The following ZGRF1 variants were observed in gnomAD, a reference collection of about 807,000 sequenced individuals.
ZGRF1 encodes 5'-3' DNA helicase ZGRF1.
A neutral mutation model predicts 203.5 loss-of-function variants in ZGRF1; 196 were observed. The observed-to-expected ratio is 0.96, with a 90% confidence interval of 0.86 to 1.08. The LOEUF is 1.08. Among genes scored for constraint, ZGRF1 ranks in the 50% least tolerant of loss-of-function variants. The pLI, the probability that ZGRF1 is intolerant of heterozygous loss-of-function variation, is 0.00. For missense variants in ZGRF1, 2,326 were observed against 2,416.3 expected, an observed-to-expected ratio of 0.96 and a Z score of 0.78; for synonymous variants, 809 against 841.3, an observed-to-expected ratio of 0.96 and a Z score of 0.66.
At chr4:112,564,149 T>C (rs1321232116) in intron 16 of ZGRF1, among the ~76,000 whole-genome samples, 1 of 152,168 alleles carries the variant, frequency 6.6e-6, no homozygotes, top group Non-Finnish European at 1.5e-5. Flanking sequence ...GTGCCAAAGA[T>C]CAGATCAGTA....
intron 16 of ZGRF1, among the ~76,000 whole-genome samples, chr4:112,570,501 C>T (rs1744006706): frequency 6.6e-6 from 1 of 151,830 alleles, no homozygotes; most frequent in African/African-American, 2.4e-5. Context: ...GGCAGAATGG[C>T]TTGAACCTGG....
intron 10 of ZGRF1, 151 bp from the exon 11 acceptor site, chr4:112,590,025 C>A: frequency 2.0e-6 from 1 of 498,282 alleles, no homozygotes; most frequent in Non-Finnish European, 3.5e-6. Flanking sequence ...AAAACTTCTT[C>A]CAAAAAGGAC....
chr4:112,548,342 G>A lies in ZGRF1; in HGVS notation c.5385C>T (p.Phe1795=), dbSNP rs1473321687. Residue 1795 remains phenylalanine (F), a synonymous_variant, in exon 23 of 28, where the codon TTC becomes TTT. Coordinates refer to ENST00000505019, the MANE Select transcript of ZGRF1 (RefSeq NM_018392.5). Reference sequence around the variant, plus strand: ...GAAATTTAAGATCATTCATGCATGGGAATGGGCAGGCTGCACAGGTAACTC... The same window carrying A: ...GAAATTTAAGATCATTCATGCATGGAAATGGGCAGGCTGCACAGGTAACTC... ...VVGVTCAACP[F]PCMNDLKFPV... The A allele has an allele frequency of 1.3e-6, 2 of 1,555,226 alleles. No individual in the cohort carries two copies. Among genetic ancestry groups the A allele is most frequent in the African/African-American group, 1.4e-5 (1 of 73,118 alleles).
rs767422299 is a variant in ZGRF1 at position 112,617,520 on chromosome 4, C to T, written c.2522G>A (p.Ser841Asn). 1 of 1,602,944 alleles carries T rather than the reference C, an allele frequency of 6.2e-7. No individual in the cohort carries two copies. The highest frequency in any genetic ancestry group is 8.5e-7 in the Non-Finnish European group (1 of 1,176,944). ...SLCEHSTALDSLEILKKKNTV... is the reference protein window; with the variant it reads ...SLCEHSTALDNLEILKKKNTV... Reference sequence around the variant, plus strand: ...ATTTTTCTTTTTCAATATTTCCAAGCTGTCTAAAGCAGTACTGTGTTCACA... The same window carrying T: ...ATTTTTCTTTTTCAATATTTCCAAGTTGTCTAAAGCAGTACTGTGTTCACA... Residue 841 changes from serine to asparagine, a missense_variant, in exon 6 of 28, where the codon AGC becomes AAC. Ser to Asn is a conservative substitution (Grantham distance 46). Transcript: ENST00000505019.
rs1455733354 is a variant in ZGRF1 at position 112,577,116 on chromosome 4, C to G, written c.4438+4547G>C. On this transcript the variant is annotated intron_variant, in intron 16 of 27. Coordinates refer to ENST00000505019, the MANE Select transcript of ZGRF1 (RefSeq NM_018392.5). ...TGTACAAGCCAGAAGAAAGTGGGGG[C>G]CAATATTCAACATTCTTAAAGAAAA... Among the ~76,000 whole-genome samples the G allele has an allele frequency of 6.6e-5, 5 of 76,190 alleles. 2 individuals carry two copies. The highest frequency in any genetic ancestry group is 2.1e-4 in the African/African-American group (5 of 24,152). 50.0% of individuals were successfully genotyped at this position (76,190 alleles called of 152,430 possible).
At position 112,613,830 on chromosome 4, in the gene ZGRF1, CAA is replaced by C. The variant is rs1415783993; in HGVS notation, c.2603-1244_2603-1243del. ...TCAATAATCTCCTCTTCTAAAATCACAAAAAGACTAATTTTAAAGTGATAATT... is the reference window on the plus strand; with the variant it reads ...TCAATAATCTCCTCTTCTAAAATCACAAAGACTAATTTTAAAGTGATAATT... On this transcript the variant is annotated intron_variant, in intron 6 of 27. Transcript: ENST00000505019. 3.9e-5 allele frequency among the ~76,000 whole-genome samples: 6 copies of C among 152,092 alleles called. No homozygotes were observed. The South Asian group carries it at 1.2e-3, about 32-fold the overall frequency.
At chr4:112,584,478 T>C (rs1391804055) in intron 14 of ZGRF1, among the ~76,000 whole-genome samples, 6 of 152,224 alleles carry the variant, frequency 3.9e-5, no homozygotes, top group Non-Finnish European at 8.8e-5. Context: ...CTGAATATCT[T>C]ATCCATTTAT....
intron 16 of ZGRF1, chr4:112,564,932 C>T (rs2148909672): frequency 2.7e-6 from 2 of 747,784 alleles, no homozygotes; most frequent in South Asian, 2.9e-5. Context: ...CGCCGCCTGT[C>T]GCTGACCAAG....
At chr4:112,611,971 T>G (rs969551139) in intron 7 of ZGRF1, among the ~76,000 whole-genome samples, 8 of 144,368 alleles carry the variant, frequency 5.5e-5, no homozygotes, top group African/African-American at 2.0e-4. Context: ...TGGGGTTTTG[T>G]TTTTTTTTTT....
At chr4:112,572,966 C>T (rs1744456949) in intron 16 of ZGRF1, among the ~76,000 whole-genome samples, 1 of 152,074 alleles carries the variant, frequency 6.6e-6, no homozygotes. Context: ...TCTAGTACAA[C>T]CAGTGGAAAA....
intron 3 of ZGRF1, 47 bp from the exon 4 acceptor site, chr4:112,623,923 C>A: frequency 1.0e-6 from 1 of 981,952 alleles, no homozygotes; most frequent in Non-Finnish European, 1.6e-6. Flanking sequence ...CACAATTATG[C>A]TTTTCTTAAA....
chr4:112,598,810 G>T (rs920813452), intron 10 of ZGRF1, among the ~76,000 whole-genome samples: 1 of 152,040 alleles, frequency 6.6e-6, no homozygotes, highest in Non-Finnish European at 1.5e-5. Flanking sequence ...CAACACTTTG[G>T]GGGGTCAAGG....
At chr4:112,613,344 C>G (rs919032320) in intron 6 of ZGRF1, among the ~76,000 whole-genome samples, 3 of 152,160 alleles carry the variant, frequency 2.0e-5, no homozygotes, top group Non-Finnish European at 2.9e-5. Flanking sequence ...TATCTTAAAT[C>G]CATTTTTACT....
chr4:112,589,752 A>C lies in ZGRF1; in HGVS notation c.3099T>G (p.Pro1033=), dbSNP rs775197685. The C allele has an allele frequency of 6.2e-7, 1 of 1,613,978 alleles. No individual in the cohort carries two copies. Among genetic ancestry groups the C allele is most frequent in the South Asian group, 1.1e-5 (1 of 91,064 alleles). ...SETSLKARTL[P]DDLHFLNLEG... ...CCAAGTTGAGAAAATGAAGATCATC[A>C]GGTAAAGTTCTTGCTTTCAGGGACG... Residue 1033 remains proline (P), a synonymous_variant, in exon 11 of 28, where the codon CCT becomes CCG. Coordinates refer to ENST00000505019, the MANE Select transcript of ZGRF1 (RefSeq NM_018392.5).
chr4:112,613,065 A>G (rs1475512245), intron 6 of ZGRF1, among the ~76,000 whole-genome samples: 1 of 152,188 alleles, frequency 6.6e-6, no homozygotes, highest in African/African-American at 2.4e-5. Context: ...AGGCCAAGGC[A>G]GGCAGATCAC....
At chr4:112,579,305 A>G (rs11098165) in intron 16 of ZGRF1, among the ~76,000 whole-genome samples, 30,919 of 121,728 alleles carry the variant, frequency 0.25, 10,418 homozygotes, top group East Asian at 0.69. Context: ...ACAAACCCAC[A>G]GCCAATATCA....
chr4:112,567,558 G>A (rs1398745640), intron 16 of ZGRF1, among the ~76,000 whole-genome samples: 1 of 152,092 alleles, frequency 6.6e-6, no homozygotes, highest in African/African-American at 2.4e-5. Context: ...AATTGCTTGA[G>A]CCCCAGAGTT....
At chr4:112,543,860 T>A (rs1043003540) in intron 24 of ZGRF1, among the ~76,000 whole-genome samples, 5 of 152,050 alleles carry the variant, frequency 3.3e-5, no homozygotes, top group African/African-American at 1.2e-4. Flanking sequence ...ATTTAAAAAA[T>A]TTTTTTGGTA....
rs2047002227 is a variant in ZGRF1 at position 112,619,671 on chromosome 4, T to G, written c.371A>C (p.Gln124Pro). 1 of 1,604,976 alleles carries G rather than the reference T, an allele frequency of 6.2e-7. No homozygotes were observed. Among genetic ancestry groups the G allele is most frequent in the Admixed American group, 1.7e-5 (1 of 57,716 alleles). ...CATAATAACCATTTTCTTTGGAACC[T>G]GACGTGGTCCTTGAAAACCCTGAAA... ...RKFTGFQGPR[Q>P]VPKKMVIMES... Residue 124 changes from glutamine (Q) to proline (P), a missense_variant, in exon 6 of 28, where the codon CAG becomes CCG. By Grantham distance (76) the Gln-to-Pro change is moderately conservative (BLOSUM62 -1). Coordinates refer to ENST00000505019, the MANE Select transcript of ZGRF1 (RefSeq NM_018392.5).
Sources: allele counts gnomAD v4.1 joint callset (sites outside exome capture counted in the v4.1 genomes callset), GRCh38; gene constraint gnomAD v4.1.1; transcripts MANE v1.5; gene names NCBI Gene and HGNC (gene_info 2026-07-23, HGNC 2026-07-21).